The following SAMD8 variants were observed in gnomAD, a reference collection of about 807,000 sequenced individuals.
SAMD8 encodes sterile alpha motif domain containing 8, also known as sphingomyelin synthase-related protein 1.
Under a neutral mutation model 42.0 loss-of-function variants are expected in SAMD8, and 20 were observed. The ratio of observed to expected loss-of-function variants is 0.48; its 90% CI spans 0.34 to 0.69. The LOEUF is 0.69. Ranked by LOEUF, SAMD8 falls within the 30% of genes least tolerant of loss-of-function variation. SAMD8 has a pLI of 0.01. For missense variants in SAMD8, 328 were observed against 511.6 expected (o/e 0.64, Z 3.46); for synonymous variants, 162 against 173.0 (o/e 0.94, Z 0.50).
At chr10:75,114,868 T>G (rs1172019030) in intron 1 of SAMD8, among the ~76,000 whole-genome samples, 2 of 152,236 alleles carry the variant, frequency 1.3e-5, no homozygotes, top group Non-Finnish European at 2.9e-5. Flanking sequence ...CTTCTGTAGC[T>G]TTGATTCTCT....
chr10:75,151,465 C>T (rs1840285909), intron 2 of SAMD8, among the ~76,000 whole-genome samples: 1 of 148,812 alleles, frequency 6.7e-6, no homozygotes, highest in African/African-American at 2.5e-5. Context: ...GCAATCCTCC[C>T]ACCTCAGCCT....
chr10:75,164,528 G>T, intron 2 of SAMD8, 117 bp from the exon 3 acceptor site: 1 of 1,443,714 alleles, frequency 6.9e-7, no homozygotes, highest in South Asian at 1.5e-5. Flanking sequence ...TTTTCTGTAA[G>T]AGATAAGTTA....
intron 3 of SAMD8, among the ~76,000 whole-genome samples, chr10:75,166,908 A>C (rs1054556961): frequency 6.6e-6 from 1 of 152,246 alleles, no homozygotes; most frequent in African/African-American, 2.4e-5. Flanking sequence ...CTTTCATTAG[A>C]ATCACCTGGG....
chr10:75,134,061 T>C (rs931862387), intron 1 of SAMD8, among the ~76,000 whole-genome samples: 1 of 152,194 alleles, frequency 6.6e-6, no homozygotes, highest in Non-Finnish European at 1.5e-5. Flanking sequence ...AATAGAATGA[T>C]TTATATTCCT....
chr10:75,128,229 C>T (rs370208831), intron 1 of SAMD8, among the ~76,000 whole-genome samples: 10 of 151,992 alleles, frequency 6.6e-5, no homozygotes, highest in African/African-American at 2.4e-4. Context: ...CATGCTACCA[C>T]GTCCAGCTAA....
chr10:75,159,681 G>T (rs535198228), intron 2 of SAMD8, among the ~76,000 whole-genome samples: 5 of 152,202 alleles, frequency 3.3e-5, no homozygotes, highest in Admixed American at 3.3e-4. Context: ...ATTTCTCTTT[G>T]CCCTAATTGG....
At chr10:75,167,083 G>C (rs1840701704) in intron 3 of SAMD8, among the ~76,000 whole-genome samples, 1 of 152,138 alleles carries the variant, frequency 6.6e-6, no homozygotes, top group Non-Finnish European at 1.5e-5. Flanking sequence ...AACAGTACTG[G>C]TGTTGTCACA....
chr10:75,161,551 C>G (rs184526540), intron 2 of SAMD8, among the ~76,000 whole-genome samples: 9 of 146,490 alleles, frequency 6.1e-5, no homozygotes, highest in Admixed American at 6.8e-5. Flanking sequence ...TAAGCGCAAA[C>G]AGAAAAAAAA....
chr10:75,108,289 G>T (rs1262315770), upstream of SAMD8: 1 of 1,510,842 alleles, frequency 6.6e-7, no homozygotes, highest in South Asian at 1.3e-5. Context: ...CCCTGCTGCA[G>T]AGGGACCGAG....
At chr10:75,147,427 A>G (rs913455062) in intron 1 of SAMD8, among the ~76,000 whole-genome samples, 1 of 152,118 alleles carries the variant, frequency 6.6e-6, no homozygotes, top group Admixed American at 6.6e-5. Flanking sequence ...GCCAGGTTCA[A>G]GCGGTTCTCT....
At chr10:75,163,443 T>C (rs999602795) in intron 2 of SAMD8, among the ~76,000 whole-genome samples, 7 of 152,148 alleles carry the variant, frequency 4.6e-5, no homozygotes, top group Non-Finnish European at 1.0e-4. Flanking sequence ...TCTTTCTTTT[T>C]TTCTTTTTTG....
chr10:75,129,490 G>A (rs1043893376), intron 1 of SAMD8, among the ~76,000 whole-genome samples: 5 of 151,990 alleles, frequency 3.3e-5, no homozygotes, highest in Non-Finnish European at 5.9e-5. Context: ...CACCTGCTTC[G>A]GCCTCCCAAA....
Position 75,164,745 on chromosome 10 carries a change from C to G in SAMD8, c.674+5C>G, listed in dbSNP as rs34505950. On this transcript the variant is annotated splice_donor_5th_base_variant and intron_variant, in intron 3 of 5. Coordinates refer to ENST00000542569, the MANE Select transcript of SAMD8 (RefSeq NM_001174156.2). ...TCTTCTTCTTCACAAGCACAGGTAC[C>G]TCATTACTCCATTAAATGACTGAAA... is the stretch of plus-strand genomic sequence containing the variant. The G allele has an allele frequency of 6.9e-6, 11 of 1,589,626 alleles. No homozygotes were observed. The East Asian group carries it at 2.2e-4, about 32-fold the overall frequency.
chr10:75,113,763 C>T (rs1458198424), intron 1 of SAMD8, among the ~76,000 whole-genome samples: 3 of 152,084 alleles, frequency 2.0e-5, no homozygotes, highest in Non-Finnish European at 4.4e-5. Context: ...TACAAATTAT[C>T]TTCAGTTGAA....
chr10:75,102,299 C>T (rs138613123), intron 1 of SAMD8, among the ~76,000 whole-genome samples: 33 of 152,122 alleles, frequency 2.2e-4, no homozygotes, highest in Admixed American at 6.5e-4. Context: ...ACAGGCTAGC[C>T]GGGCGTGGTG....
intron 1 of SAMD8, chr10:75,150,279 AT>A (rs34826271): frequency 0.47 from 62,878 of 134,196 alleles, 14,623 homozygotes; most frequent in East Asian, 0.85. Context: ...CCAGGCTAAA[AT>A]TTTTTTTTTT....
At position 75,181,630 on chromosome 10, in the gene SAMD8, A is replaced by G. The variant is rs1841083183; in HGVS notation, c.*4938A>G. The G allele has an allele frequency of 6.6e-6, 1 of 152,192 alleles. No individual in the cohort carries two copies. The highest frequency in any genetic ancestry group is 2.4e-5 in the African/African-American group (1 of 41,464). 9.4% of individuals were successfully genotyped at this position (152,192 alleles called of 1,614,324 possible). The stretch of plus-strand genomic sequence containing the variant: ...TCAGCATAAGGAAAGTTTGTGCCTG[A>G]TATGGCAGGAGAAAGAACACTATGG... On this transcript the variant is annotated 3_prime_UTR_variant, in exon 6 of 6. Coordinates refer to ENST00000542569, the MANE Select transcript of SAMD8 (RefSeq NM_001174156.2).
rs1003923090 is a variant in SAMD8, at chr10:75,171,160, C to CTTTTTTTTTTTTTTT, written c.792+2512_792+2526dup. Among the ~76,000 whole-genome samples, 172 of 68,534 alleles carry CTTTTTTTTTTTTTTT rather than the reference C, an allele frequency of 2.5e-3. 2 individuals are homozygous for CTTTTTTTTTTTTTTT. The highest frequency in any genetic ancestry group is 3.8e-3 in the East Asian group (7 of 1,862). The allele number at this position is 68,534 out of a possible 152,430, so 45.0% of individuals were successfully genotyped here. On this transcript the variant is annotated intron_variant, in intron 4 of 5. Coordinates refer to ENST00000542569, the MANE Select transcript of SAMD8 (RefSeq NM_001174156.2). ...TCCTTTTCTTTCTTTCTTTCTTTTTCTTTTTTTTTTTTTTTTTTTTTTTTG... is the reference window on the plus strand; with the variant it reads ...TCCTTTTCTTTCTTTCTTTCTTTTTCTTTTTTTTTTTTTTTTTTTTTTTTTTTTTTTTTTTTTTTG...
intron 2 of SAMD8, among the ~76,000 whole-genome samples, chr10:75,153,658 G>T (rs1417731526): frequency 6.6e-6 from 1 of 151,738 alleles, no homozygotes; most frequent in Non-Finnish European, 1.5e-5. Context: ...TGTAGTATTT[G>T]TATTTGAAAA....
Sources: gnomAD v4.1 joint callset for allele counts (sites outside exome capture counted in the v4.1 genomes callset) on GRCh38, gnomAD v4.1.1 for gene constraint, MANE v1.5 for transcripts, NCBI Gene and HGNC (gene_info 2026-07-23, HGNC 2026-07-21) for gene names.